The following AGBL2 variants were observed in gnomAD, a reference collection of about 807,000 sequenced individuals.
The protein encoded by AGBL2 is cytosolic carboxypeptidase 2.
Under a neutral mutation model 103.0 loss-of-function variants are expected in AGBL2, and 87 were observed. The observed-to-expected ratio is 0.84, with a 90% confidence interval of 0.71 to 1.01. The LOEUF (loss-of-function observed/expected upper bound fraction) is 1.01, where lower values mean the gene tolerates loss of function less well. Ranked by LOEUF, AGBL2 falls within the 50% of genes least tolerant of loss-of-function variation. The pLI, the probability that AGBL2 is intolerant of heterozygous loss-of-function variation, is 0.00. For synonymous variants in AGBL2, 335 were observed against 356.7 expected, an observed-to-expected ratio of 0.94 and a Z score of 0.69; for missense variants, 904 against 1,023.5, an observed-to-expected ratio of 0.88 and a Z score of 1.59.
intron 8 of AGBL2, among the ~76,000 whole-genome samples, chr11:47,696,370 C>T (rs1361683819): frequency 6.6e-6 from 1 of 151,908 alleles, no homozygotes; most frequent in Non-Finnish European, 1.5e-5. Flanking sequence ...TCAAGCAATT[C>T]TCCTGCCTCA....
intron 7 of AGBL2, among the ~76,000 whole-genome samples, chr11:47,700,188 C>T (rs746487305): frequency 6.6e-6 from 1 of 152,242 alleles, no homozygotes; most frequent in South Asian, 2.1e-4. Flanking sequence ...AACTCTCGAC[C>T]TCAGGTGATC....
intron 14 of AGBL2, among the ~76,000 whole-genome samples, chr11:47,675,826 C>A (rs1484509799): frequency 5.3e-5 from 8 of 151,896 alleles, no homozygotes; most frequent in African/African-American, 1.5e-4. Flanking sequence ...GGCAACATGG[C>A]AAAACCTGTT....
At position 47,710,518 on chromosome 11, in the gene AGBL2, A is replaced by T. The variant is rs371936666; in HGVS notation, c.98-7T>A. On this transcript the variant is annotated splice_polypyrimidine_tract_variant and splice_region_variant and intron_variant, in intron 3 of 18. Coordinates refer to ENST00000525123, the MANE Select transcript of AGBL2 (RefSeq NM_024783.4). ...GGTAAACTGCCTCTCTGAGCTAAAA[A>T]TTGGCAGTTTAATTAAAGTTGCTGG... 6.2e-7 allele frequency: 1 copy of T among 1,613,872 alleles called. No homozygotes were observed. Among genetic ancestry groups the T allele is most frequent in the African/African-American group, 1.3e-5 (1 of 74,944 alleles).
chr11:47,683,354 A>C (rs1273710313), intron 11 of AGBL2, among the ~76,000 whole-genome samples: 1 of 152,194 alleles, frequency 6.6e-6, no homozygotes, highest in Non-Finnish European at 1.5e-5. Context: ...CTTGGGCGAC[A>C]GAGCGAGACT....
At position 47,710,462 on chromosome 11, in the gene AGBL2, C is replaced by A. The variant is rs766526157; in HGVS notation, c.147G>T (p.Lys49Asn). The A allele has an allele frequency of 1.2e-6, 2 of 1,614,188 alleles. No individual in the cohort carries two copies. The highest frequency in any genetic ancestry group is 1.7e-6 in the Non-Finnish European group (2 of 1,180,030). The part of the protein sequence containing the change: ...PNSATHQHVR[K>N]NNPQCLLNGS... The stretch of plus-strand genomic sequence containing the variant: ...CATTCAACAGGCATTGAGGGTTATT[C>A]TTCCGAACATGCTGATGCGTAGCAG... The change falls in exon 4 of 19, where the codon AAG becomes AAT. Residue 49 changes from lysine to asparagine, a missense_variant. Lys to Asn is a moderately conservative substitution (Grantham distance 94). Coordinates refer to ENST00000525123, the MANE Select transcript of AGBL2 (RefSeq NM_024783.4).
At chr11:47,699,594 T>C in intron 7 of AGBL2, 41 bp from the exon 8 acceptor site, 1 of 1,150,334 alleles carries the variant, frequency 8.7e-7, no homozygotes, top group Non-Finnish European at 1.3e-6. Flanking sequence ...TAAGAAATAA[T>C]GTAAACGGCA....
chr11:47,691,766 T>C (rs1406176435), intron 9 of AGBL2, among the ~76,000 whole-genome samples: 2 of 102,694 alleles, frequency 1.9e-5, no homozygotes, highest in Non-Finnish European at 3.7e-5. Context: ...AATTTGTGCA[T>C]ATTACATATA....
At chr11:47,673,041 T>A (rs1180900327) in intron 14 of AGBL2, among the ~76,000 whole-genome samples, 1 of 152,202 alleles carries the variant, frequency 6.6e-6, no homozygotes, top group Non-Finnish European at 1.5e-5. Context: ...GATGAGATCC[T>A]GAATGCTAAA....
intron 14 of AGBL2, among the ~76,000 whole-genome samples, chr11:47,670,680 T>C (rs2097354584): frequency 7.1e-6 from 1 of 141,692 alleles, no homozygotes; most frequent in Non-Finnish European, 1.5e-5. Context: ...AACACAGTGA[T>C]ACCCTGTCTC....
In AGBL2 at chr11:47,690,711, A is replaced by G; in HGVS notation, c.996T>C (p.Tyr332=). ...IVNLLKPKSL[Y]TVGMKPLLYS... Reference sequence around the variant, plus strand: ...ACAAGAGTGGCTTCATCCCTACAGTATAAAGACTCTTGGGTTTTAGCAAGT... The same window carrying G: ...ACAAGAGTGGCTTCATCCCTACAGTGTAAAGACTCTTGGGTTTTAGCAAGT... The change falls in exon 10 of 19, where the codon TAT becomes TAC. Residue 332 remains tyrosine, a synonymous_variant. Coordinates refer to ENST00000525123, the MANE Select transcript of AGBL2 (RefSeq NM_024783.4). 1 of 1,614,148 alleles carries G rather than the reference A, an allele frequency of 6.2e-7. No individual in the cohort carries two copies. Among genetic ancestry groups the G allele is most frequent in the South Asian group, 1.1e-5 (1 of 91,088 alleles).
At chr11:47,678,343 A>ATTTTTTTTTTTTTTTTTTTTTATTTT in intron 13 of AGBL2, among the ~76,000 whole-genome samples, 1 of 116,762 alleles carries the variant, frequency 8.6e-6, no homozygotes, top group South Asian at 3.6e-4. Context: ...TTATTATTTT[A>ATTTTTTTTTTTTTTTTTTTTTATTTT]TTTTTTTTGA....
At chr11:47,692,370 C>A in intron 8 of AGBL2, 114 bp from the exon 9 acceptor site, 27 of 342,428 alleles carry the variant, frequency 7.9e-5, no homozygotes, top group Non-Finnish European at 1.1e-4. Flanking sequence ...AATGAAATTT[C>A]TAATTTTCAA....
intron 17 of AGBL2, among the ~76,000 whole-genome samples, chr11:47,663,590 CTT>C (rs1488212060): frequency 6.7e-6 from 1 of 149,722 alleles, no homozygotes; most frequent in Non-Finnish European, 1.5e-5. Flanking sequence ...GAGTTTCACT[CTT>C]GTTGCCCAGG....
chr11:47,689,256 A>C (rs1181948618), intron 10 of AGBL2, among the ~76,000 whole-genome samples: 1 of 151,584 alleles, frequency 6.6e-6, no homozygotes, highest in Non-Finnish European at 1.5e-5. Flanking sequence ...TTGTCACTTA[A>C]TAGCTTTATG....
chr11:47,705,742 G>A (rs2097516322), intron 5 of AGBL2, 108 bp from the exon 6 acceptor site: 2 of 839,120 alleles, frequency 2.4e-6, no homozygotes, highest in Non-Finnish European at 4.1e-6. Flanking sequence ...GTCCTTCAGT[G>A]CTCATCAGGC....
At chr11:47,712,802 G>A (rs1194532070) in intron 3 of AGBL2, among the ~76,000 whole-genome samples, 1 of 152,182 alleles carries the variant, frequency 6.6e-6, no homozygotes, top group Admixed American at 6.5e-5. Context: ...CATTTTGGGA[G>A]GCTGAGGTGG....
At chr11:47,676,620 C>A (rs914362851) in intron 14 of AGBL2, among the ~76,000 whole-genome samples, 1 of 152,036 alleles carries the variant, frequency 6.6e-6, no homozygotes, top group African/African-American at 2.4e-5. Flanking sequence ...GAGATTGAGA[C>A]CATCCTGGCT....
chr11:47,711,084 TAAA>T (rs200827901), intron 3 of AGBL2, among the ~76,000 whole-genome samples: 1 of 148,160 alleles, frequency 6.7e-6, no homozygotes, highest in South Asian at 2.1e-4. Context: ...AAAAATAAAT[TAAA>T]AAAAAAATAG....
chr11:47,704,416 G>T (rs192009599), intron 7 of AGBL2, 127 bp downstream of exon 7: 4 of 734,508 alleles, frequency 5.4e-6, no homozygotes, highest in African/African-American at 5.3e-5. Context: ...CTGGGAGACA[G>T]AGGTTGCAGT....
Sources: allele counts gnomAD v4.1 joint callset (sites outside exome capture counted in the v4.1 genomes callset), GRCh38; gene constraint gnomAD v4.1.1; transcripts MANE v1.5; gene names NCBI Gene and HGNC (gene_info 2026-07-23, HGNC 2026-07-21).